The following PKNOX2 variants were observed in gnomAD, a reference collection of about 807,000 sequenced individuals.
PKNOX2 encodes the protein PBX/knotted 1 homeobox 2, also known as homeobox protein PKNOX2.
Under a neutral mutation model 53.1 loss-of-function variants are expected in PKNOX2, and 14 were observed. That is an observed-to-expected ratio of 0.26 (90% CI 0.17 to 0.41). The LOEUF is 0.41. Among genes scored for constraint, PKNOX2 ranks in the 10% least tolerant of loss-of-function variants. The pLI, the probability that PKNOX2 is intolerant of heterozygous loss-of-function variation, is 1.00. For missense variants in PKNOX2, 496 were observed against 602.8 expected, an observed-to-expected ratio of 0.82 and a Z score of 1.85; for synonymous variants, 257 against 242.8, an observed-to-expected ratio of 1.06 and a Z score of -0.54.
chr11:125,244,006 C>T (rs914366912), intron 2 of PKNOX2, among the ~76,000 whole-genome samples: 1 of 152,140 alleles, frequency 6.6e-6, no homozygotes, highest in Non-Finnish European at 1.5e-5. Flanking sequence ...GCTGGAGCCC[C>T]AGAGCCAAGT....
chr11:125,259,878 C>CTT lies in PKNOX2; in HGVS notation c.-130+24775_-130+24776dup, dbSNP rs551076606. On this transcript the variant is annotated intron_variant, in intron 2 of 12. Transcript: ENST00000298282. ...CACCCCCATTCTTTTTTTTTTAATT[C>CTT]TTTTTTTTTTTTTAAAGAGACAGGG... is the stretch of plus-strand genomic sequence containing the variant. Among the ~76,000 whole-genome samples, 368 of 144,180 alleles carry CTT rather than the reference C, an allele frequency of 2.6e-3. 1 individual carries two copies. Among genetic ancestry groups the CTT allele is most frequent in the Non-Finnish European group, 3.9e-3 (254 of 65,476 alleles). 94.6% of individuals were successfully genotyped at this position (144,180 alleles called of 152,430 possible). A position where few individuals can be genotyped will look rare whatever the true frequency, so the allele number is the denominator to read the frequency against.
chr11:125,403,481 G>A (rs1270628436), intron 7 of PKNOX2, among the ~76,000 whole-genome samples: 1 of 152,162 alleles, frequency 6.6e-6, no homozygotes, highest in East Asian at 1.9e-4. Context: ...TGTACTAGGT[G>A]CTTTCCACAG....
intron 2 of PKNOX2, chr11:125,258,721 G>A (rs1460425634): frequency 9.4e-6 from 2 of 213,090 alleles, no homozygotes; most frequent in African/African-American, 4.7e-5. Context: ...GCAGGGGAGA[G>A]AAGCACTGTG....
intron 3 of PKNOX2, among the ~76,000 whole-genome samples, chr11:125,338,988 T>C (rs537240098): frequency 5.3e-5 from 8 of 152,282 alleles, no homozygotes; most frequent in African/African-American, 1.9e-4. Flanking sequence ...TCAGACCCAT[T>C]CCTAGTATTC....
At chr11:125,177,299 A>T (rs902307303) in intron 1 of PKNOX2, among the ~76,000 whole-genome samples, 1 of 147,238 alleles carries the variant, frequency 6.8e-6, no homozygotes, top group Non-Finnish European at 1.5e-5. Context: ...CAGCGAGGAG[A>T]GGCAGCGGGG....
intron 1 of PKNOX2, among the ~76,000 whole-genome samples, chr11:125,210,354 G>A (rs1209445651): frequency 6.6e-6 from 1 of 152,104 alleles, no homozygotes; most frequent in Non-Finnish European, 1.5e-5. Flanking sequence ...CGCCCTTTAG[G>A]GAAGGAGCCC....
intron 5 of PKNOX2, among the ~76,000 whole-genome samples, chr11:125,381,955 G>T (rs1397723262): frequency 1.3e-5 from 2 of 152,188 alleles, no homozygotes; most frequent in African/African-American, 4.8e-5. Context: ...CCTCCCTGCA[G>T]AAGCAAGGAC....
chr11:125,231,009 C>T, intron 1 of PKNOX2, among the ~76,000 whole-genome samples: 1 of 152,160 alleles, frequency 6.6e-6, no homozygotes, highest in South Asian at 2.1e-4. Flanking sequence ...TTTGGGCAAT[C>T]TCAGAGATTG....
chr11:125,221,511 G>T (rs569091005), intron 1 of PKNOX2, among the ~76,000 whole-genome samples: 45 of 152,274 alleles, frequency 3.0e-4, no homozygotes, highest in Non-Finnish European at 6.2e-4. Flanking sequence ...AGAGCTAACC[G>T]CAGCCACGCC....
intron 3 of PKNOX2, among the ~76,000 whole-genome samples, chr11:125,340,940 C>T (rs1157429924): frequency 6.6e-6 from 1 of 151,478 alleles, no homozygotes; most frequent in African/African-American, 2.4e-5. Flanking sequence ...GTCCCAGATA[C>T]TCCGGAGACT....
chr11:125,201,211 C>T lies in PKNOX2; in HGVS notation c.-200-33834C>T, dbSNP rs977876428. 2.0e-5 allele frequency among the ~76,000 whole-genome samples: 3 copies of T among 152,110 alleles called. No homozygotes were observed. In the East Asian group the frequency reaches 5.8e-4, roughly 29 times the overall value. On this transcript the variant is annotated intron_variant, in intron 1 of 12. Transcript: ENST00000298282. Reference sequence around the variant, plus strand: ...TGGCCATTCTACCCCCAAGAGGAAGCGGGGTCTTCCTTTCCACTTTCCAGT... The same window carrying T: ...TGGCCATTCTACCCCCAAGAGGAAGTGGGGTCTTCCTTTCCACTTTCCAGT...
chr11:125,189,131 G>A (rs919323389), intron 1 of PKNOX2, among the ~76,000 whole-genome samples: 2 of 151,278 alleles, frequency 1.3e-5, no homozygotes, highest in Admixed American at 6.6e-5. Context: ...CATCTGCTGC[G>A]CCATGGTCAG....
chr11:125,307,311 G>T (rs1048157281), intron 2 of PKNOX2, among the ~76,000 whole-genome samples: 2 of 152,154 alleles, frequency 1.3e-5, no homozygotes, highest in Non-Finnish European at 2.9e-5. Flanking sequence ...GGGTGCGGTG[G>T]CTCACACCCA....
In PKNOX2 at chr11:125,240,721, C is replaced by T. The variant is rs1198353102; in HGVS notation, c.-130+5606C>T. Among the ~76,000 whole-genome samples, 1 of 152,102 alleles carries T rather than the reference C, an allele frequency of 6.6e-6. No homozygotes were observed. The highest frequency in any genetic ancestry group is 2.4e-5 in the African/African-American group (1 of 41,408). On this transcript the variant is annotated intron_variant, in intron 2 of 12. Coordinates refer to ENST00000298282, the MANE Select transcript of PKNOX2 (RefSeq NM_001382323.2). The surrounding 1 kb of genome is among the most constrained non-coding windows in gnomAD (Gnocchi z 4.3). ...CTTCTCAAATCCTCAGAGGGAGAACCGGGAGGCTTATAAGAAGGTTCTGAA... is the reference window on the plus strand; with the variant it reads ...CTTCTCAAATCCTCAGAGGGAGAACTGGGAGGCTTATAAGAAGGTTCTGAA...
intron 6 of PKNOX2, among the ~76,000 whole-genome samples, chr11:125,387,799 T>C (rs1953753166): frequency 6.6e-6 from 1 of 152,192 alleles, no homozygotes; most frequent in African/African-American, 2.4e-5. Flanking sequence ...TTAGCCATGG[T>C]CAATGACTGG....
At chr11:125,187,830 C>A (rs914223574) in intron 1 of PKNOX2, among the ~76,000 whole-genome samples, 2 of 152,202 alleles carry the variant, frequency 1.3e-5, no homozygotes, top group Non-Finnish European at 2.9e-5. Flanking sequence ...TCACTCCTAG[C>A]GGCCTGGGCC....
At chr11:125,296,431 C>G (rs919335730) in intron 2 of PKNOX2, among the ~76,000 whole-genome samples, 1 of 152,152 alleles carries the variant, frequency 6.6e-6, no homozygotes. Context: ...GCCTGGGACA[C>G]TCTTCCTCCA....
intron 1 of PKNOX2, among the ~76,000 whole-genome samples, chr11:125,214,682 C>T (rs879313367): frequency 1.3e-5 from 2 of 152,066 alleles, no homozygotes; most frequent in Non-Finnish European, 2.9e-5. Flanking sequence ...GGCAATGCAG[C>T]CCCTGCCTGA....
At chr11:125,411,247 G>A (rs1591562463) in intron 9 of PKNOX2, 3 of 306,772 alleles carry the variant, frequency 9.8e-6, no homozygotes, top group South Asian at 3.5e-5. Flanking sequence ...TAACCTCTCT[G>A]AGCCTCAGAC....
Sources: gnomAD v4.1 joint callset for allele counts (sites outside exome capture counted in the v4.1 genomes callset) on GRCh38, gnomAD v4.1.1 for gene constraint, Gnocchi (gnomAD v3.1) non-coding constraint, MANE v1.5 for transcripts, NCBI Gene and HGNC (gene_info 2026-07-23, HGNC 2026-07-21) for gene names.